SLITRK5: variants seen among roughly 807,000 people sequenced by gnomAD.
SLITRK5 encodes the protein SLIT and NTRK-like protein 5.
Under a neutral mutation model 56.2 loss-of-function variants are expected in SLITRK5, and 23 were observed. The ratio of observed to expected loss-of-function variants is 0.41; its 90% CI spans 0.29 to 0.58. The LOEUF is 0.58. Ranked by LOEUF, SLITRK5 falls within the 20% of genes least tolerant of loss-of-function variation. The pLI is 0.30. For synonymous variants in SLITRK5, 637 were observed against 531.8 expected (o/e 1.20, Z -2.72); for missense variants, 1,289 against 1,226.6 (o/e 1.05, Z -0.76).
Position 87,676,488 on chromosome 13 carries a change from A to G in SLITRK5, c.1100A>G (p.Lys367Arg), listed in dbSNP as rs1877280348. 6.2e-7 allele frequency: 1 copy of G among 1,613,856 alleles called. No homozygotes were observed. The highest frequency in any genetic ancestry group is 1.3e-5 in the African/African-American group (1 of 74,872). ...GGCCCCAGCATCGCCTATCAGACCAAATCCCCGGTGCCTTTGGAGTGTCCC... is the reference window on the plus strand; with the variant it reads ...GGCCCCAGCATCGCCTATCAGACCAGATCCCCGGTGCCTTTGGAGTGTCCC... The part of the protein sequence containing the change: ...NYGPSIAYQT[K>R]SPVPLECPTA... Residue 367 changes from lysine (K) to arginine (R), a missense_variant, in exon 2 of 2, where the codon AAA (lysine) becomes AGA (arginine). Lys to Arg is a conservative substitution (Grantham distance 26). Transcript: ENST00000683689.
rs776215029 is a variant in SLITRK5, at chr13:87,675,358, C to T, written c.-8-23C>T. 1.3e-5 allele frequency: 21 copies of T among 1,567,328 alleles called. No homozygotes were observed. In the East Asian group the frequency reaches 4.5e-4, roughly 34 times the overall value. ...AATTTTTGTCATATTCTGTTATTTC[C>T]TTGTTTTCTCTCTCCCTTACAGGAG... On this transcript the variant is annotated intron_variant, in intron 1 of 1. Transcript: ENST00000683689.
rs1877058928 is a variant in SLITRK5, at chr13:87,672,125, G to A, written c.-93G>A. Reference sequence around the variant, plus strand: ...GGCCGGCCGGCGCGAACCCAGGCCGGAGGGTGCGAGGAGCCAGAGGAGGCT... The same window carrying A: ...GGCCGGCCGGCGCGAACCCAGGCCGAAGGGTGCGAGGAGCCAGAGGAGGCT... On this transcript the variant is annotated 5_prime_UTR_variant, in exon 1 of 2. Coordinates refer to ENST00000683689, the MANE Select transcript of SLITRK5 (RefSeq NM_001384609.1). Among the ~76,000 whole-genome samples the A allele has an allele frequency of 6.6e-6, 1 of 152,078 alleles. No individual in the cohort carries two copies. Among genetic ancestry groups the A allele is most frequent in the African/African-American group, 2.4e-5 (1 of 41,438 alleles).
rs780206959 is a variant in SLITRK5 at position 87,677,369 on chromosome 13, G to C, written c.1981G>C (p.Val661Leu). Residue 661 changes from valine to leucine, a missense_variant, in exon 2 of 2, where the codon GTG becomes CTG. Around this residue, in one of 3 missense-constraint regions of SLITRK5, gnomAD observed 985 missense variants for 906.0 expected, o/e 1.09. Coordinates refer to ENST00000683689, the MANE Select transcript of SLITRK5 (RefSeq NM_001384609.1). The surrounding 1 kb of genome is among the most constrained non-coding windows in gnomAD (Gnocchi z 4.7). ...GGGCGCAGGCGGAGGGGCGTCGTCG[G>C]TGCCCTTGTCTGTGTTAATTCTCAG... ...SLGAGGGASS[V>L]PLSVLILSLL... 1.2e-6 allele frequency: 2 copies of C among 1,613,974 alleles called. No individual in the cohort carries two copies. Among genetic ancestry groups the C allele is most frequent in the Middle Eastern group, 1.6e-4 (1 of 6,062 alleles).
chr13:87,677,539 C>T lies in SLITRK5; in HGVS notation c.2151C>T (p.Tyr717=). The change falls in exon 2 of 2, where the codon TAC becomes TAT. Residue 717 remains tyrosine, a synonymous_variant. Transcript: ENST00000683689. The surrounding 1 kb of genome is among the most constrained non-coding windows in gnomAD (Gnocchi z 4.7). Reference sequence around the variant, plus strand: ...CCTTTAACATGCAGTACAGCGTGTACGGCGGCGGCGGCGGCACGGGCGGCC... The same window carrying T: ...CCTTTAACATGCAGTACAGCGTGTATGGCGGCGGCGGCGGCACGGGCGGCC... ...VSSFNMQYSV[Y]GGGGGTGGHP... The T allele has an allele frequency of 1.3e-6, 2 of 1,597,324 alleles. No individual in the cohort carries two copies. The highest frequency in any genetic ancestry group is 8.5e-7 in the Non-Finnish European group (1 of 1,170,478).
rs201885530 is a variant in SLITRK5 at position 87,675,900 on chromosome 13, A to G, written c.512A>G (p.Asn171Ser). ...AACTACATCAGCGTCATTGAACCCA[A>G]TGCTTTTGGGAAACTGCATTTGTTG... ...DYNYISVIEP[N>S]AFGKLHLLQV... The change falls in exon 2 of 2, where the codon AAT becomes AGT. Residue 171 changes from asparagine to serine, a missense_variant. Coordinates refer to ENST00000683689, the MANE Select transcript of SLITRK5 (RefSeq NM_001384609.1). The G allele has an allele frequency of 3.0e-4, 481 of 1,613,996 alleles. No individual in the cohort carries two copies. Among genetic ancestry groups the G allele is most frequent in the Non-Finnish European group, 3.8e-4 (444 of 1,180,028 alleles).
rs1175764168 is a variant in SLITRK5 at position 87,671,553 on chromosome 13, T to C, written c.-665T>C. 1.3e-5 allele frequency among the ~76,000 whole-genome samples: 2 copies of C among 151,826 alleles called. No individual in the cohort carries two copies. Among genetic ancestry groups the C allele is most frequent in the Non-Finnish European group, 2.9e-5 (2 of 67,980 alleles). The stretch of plus-strand genomic sequence containing the variant: ...GGCGCCCGGGAGGAAGACGCAACTT[T>C]CTCGGAGTTTTTTTTAGAGCCACCG... On this transcript the variant is annotated 5_prime_UTR_variant, in exon 1 of 2. Transcript: ENST00000683689.
Position 87,676,734 on chromosome 13 carries a change from A to G in SLITRK5, c.1346A>G (p.Gln449Arg), listed in dbSNP as rs779562068. ...HLGNNRISMI[Q>R]DRAFGDLTNL... is the part of the protein sequence containing the mutation. The stretch of plus-strand genomic sequence containing the variant: ...GGGAATAACCGCATCTCGATGATCC[A>G]GGACCGCGCTTTCGGGGATCTCACC... Residue 449 changes from glutamine to arginine, a missense_variant, in exon 2 of 2, where the codon CAG (glutamine) becomes CGG (arginine). By Grantham distance (43) the Gln-to-Arg change is conservative (BLOSUM62 1). Around this residue, in one of 3 missense-constraint regions of SLITRK5, gnomAD observed 985 missense variants for 906.0 expected, o/e 1.09. Coordinates refer to ENST00000683689, the MANE Select transcript of SLITRK5 (RefSeq NM_001384609.1). 6.2e-7 allele frequency: 1 copy of G among 1,613,996 alleles called. No homozygotes were observed. Among genetic ancestry groups the G allele is most frequent in the East Asian group, 2.2e-5 (1 of 44,872 alleles).
intron 1 of SLITRK5, chr13:87,673,598 G>C (rs749387757): frequency 1.8e-6 from 2 of 1,086,980 alleles, no homozygotes; most frequent in Admixed American, 4.6e-5. Flanking sequence ...TTTCACTGGG[G>C]TGGGGATGTT....
intron 1 of SLITRK5, among the ~76,000 whole-genome samples, chr13:87,674,558 G>T (rs963621640): frequency 6.6e-6 from 1 of 152,114 alleles, no homozygotes; most frequent in African/African-American, 2.4e-5. Context: ...TATTTCAGTG[G>T]CTTAAAGATG....
Position 87,677,902 on chromosome 13 carries a change from C to G in SLITRK5, c.2514C>G (p.Ile838Met). 3 of 1,613,294 alleles carry G rather than the reference C, an allele frequency of 1.9e-6. No individual in the cohort carries two copies. The highest frequency in any genetic ancestry group is 2.2e-5 in the East Asian group (1 of 44,802). The change falls in exon 2 of 2, where the codon ATC becomes ATG. Residue 838 changes from isoleucine (I) to methionine (M), a missense_variant. Around this residue, in one of 3 missense-constraint regions of SLITRK5, gnomAD observed 985 missense variants for 906.0 expected, o/e 1.09. Transcript: ENST00000683689. This position sits in a 1 kb window ranked among gnomAD's most constrained non-coding sequence, Gnocchi z 4.7. The stretch of plus-strand genomic sequence containing the variant: ...GCCCCGCCTACAGCGTCAGCACCAT[C>G]GAGCCCCGGGAGGACCTGCTGTCGC... The part of the protein sequence containing the change: ...LRSPAYSVST[I>M]EPREDLLSPV...
At position 87,676,593 on chromosome 13, in the gene SLITRK5, C is replaced by A. The variant is rs373938017; in HGVS notation, c.1205C>A (p.Ala402Asp). The change falls in exon 2 of 2, where the codon GCT becomes GAT. Residue 402 changes from alanine (A) to aspartate (D), a missense_variant. Ala to Asp is a moderately radical substitution (Grantham distance 126, BLOSUM62 -2). Transcript: ENST00000683689. ...CAGGAGCGAAAGATCGAGAGCATCG[C>A]TGAACTGCAGCCCAAGCCCTACAAT... Reference protein sequence around the residue: ...NCQERKIESIAELQPKPYNPK... With the variant: ...NCQERKIESIDELQPKPYNPK... The A allele has an allele frequency of 3.7e-6, 6 of 1,614,004 alleles. No individual in the cohort carries two copies. Among genetic ancestry groups the A allele is most frequent in the Non-Finnish European group, 5.1e-6 (6 of 1,180,048 alleles).
Position 87,676,463 on chromosome 13 carries a change from G to T in SLITRK5, c.1075G>T (p.Gly359Cys). ...TAAGGACTTGGGCTACAGCAACTATGGCCCCAGCATCGCCTATCAGACCAA... is the reference window on the plus strand; with the variant it reads ...TAAGGACTTGGGCTACAGCAACTATTGCCCCAGCATCGCCTATCAGACCAA... ...PSKDLGYSNY[G>C]PSIAYQTKSP... The change falls in exon 2 of 2, where the codon GGC (glycine) becomes TGC (cysteine). Residue 359 changes from glycine (G) to cysteine (C), a missense_variant. By Grantham distance (159) the Gly-to-Cys change is radical. Transcript: ENST00000683689. 1 of 1,614,040 alleles carries T rather than the reference G, an allele frequency of 6.2e-7. No homozygotes were observed. The highest frequency in any genetic ancestry group is 8.5e-7 in the Non-Finnish European group (1 of 1,180,004).
At position 87,677,182 on chromosome 13, in the gene SLITRK5, C is replaced by T. The variant is rs555137445; in HGVS notation, c.1794C>T (p.Phe598=). The change falls in exon 2 of 2, where the codon TTC becomes TTT. Residue 598 remains phenylalanine, a synonymous_variant. Coordinates refer to ENST00000683689, the MANE Select transcript of SLITRK5 (RefSeq NM_001384609.1). This position sits in a 1 kb window ranked among gnomAD's most constrained non-coding sequence, Gnocchi z 4.7. The part of the protein sequence containing the change: ...DEVICKAPKK[F]AETDMRSIKS... The stretch of plus-strand genomic sequence containing the variant: ...TGATCTGTAAGGCGCCCAAAAAATT[C>T]GCTGAGACCGACATGCGCTCCATTA... The T allele has an allele frequency of 3.1e-6, 5 of 1,614,190 alleles. No individual in the cohort carries two copies. In the South Asian group the frequency reaches 4.4e-5, roughly 14 times the overall value.
chr13:87,674,215 C>T (rs909474311), intron 1 of SLITRK5, among the ~76,000 whole-genome samples: 2 of 152,080 alleles, frequency 1.3e-5, no homozygotes, highest in African/African-American at 4.8e-5. Flanking sequence ...AAGTCGCTTA[C>T]AGTTCTTCCT....
chr13:87,671,455 G>A lies in SLITRK5; in HGVS notation c.-763G>A, dbSNP rs777564316. Reference sequence around the variant, plus strand: ...GGCGCGACAATAAACAAGTGCACTGGACTGGGCCCTGCACCCGCTCCGGAG... The same window carrying A: ...GGCGCGACAATAAACAAGTGCACTGAACTGGGCCCTGCACCCGCTCCGGAG... On this transcript the variant is annotated 5_prime_UTR_variant, in exon 1 of 2. Transcript: ENST00000683689. Among the ~76,000 whole-genome samples the A allele has an allele frequency of 1.3e-5, 2 of 152,110 alleles. No homozygotes were observed. Among genetic ancestry groups the A allele is most frequent in the Non-Finnish European group, 2.9e-5 (2 of 68,022 alleles).
chr13:87,673,704 C>G (rs1877145178), intron 1 of SLITRK5: 1 of 447,532 alleles, frequency 2.2e-6, no homozygotes, highest in Admixed American at 2.4e-5. Flanking sequence ...CATCTCGACA[C>G]GTCTGGGTGG....
chr13:87,674,733 T>A (rs1005358097), intron 1 of SLITRK5, among the ~76,000 whole-genome samples: 15 of 152,166 alleles, frequency 9.9e-5, no homozygotes, highest in African/African-American at 3.6e-4. Flanking sequence ...TTTTTCTCCT[T>A]ACTCAAAGCT....
rs1046921243 is a variant in SLITRK5 at position 87,677,926 on chromosome 13, G to T, written c.2538G>T (p.Ser846=). Residue 846 remains serine, a synonymous_variant, in exon 2 of 2, where the codon TCG becomes TCT. Coordinates refer to ENST00000683689, the MANE Select transcript of SLITRK5 (RefSeq NM_001384609.1). The surrounding 1 kb of genome is among the most constrained non-coding windows in gnomAD (Gnocchi z 4.7). The stretch of plus-strand genomic sequence containing the variant: ...TCGAGCCCCGGGAGGACCTGCTGTC[G>T]CCGGTGCAGGACGCCGACCGCTTTT... ...STIEPREDLL[S]PVQDADRFYR... 2.5e-6 allele frequency: 4 copies of T among 1,613,646 alleles called. No homozygotes were observed. The highest frequency in any genetic ancestry group is 2.7e-5 in the African/African-American group (2 of 74,926).
chr13:87,674,276 A>T (rs1468968690), intron 1 of SLITRK5: 1 of 509,074 alleles, frequency 2.0e-6, no homozygotes, highest in African/African-American at 2.1e-5. Flanking sequence ...TTTCCCTGAG[A>T]TTAAAAAAAA....
Sources: allele counts gnomAD v4.1 joint callset (sites outside exome capture counted in the v4.1 genomes callset), GRCh38; gene constraint gnomAD v4.1.1; regional missense constraint gnomAD v4.1.1; non-coding constraint Gnocchi (gnomAD v3.1); transcripts MANE v1.5; gene names NCBI Gene and HGNC (gene_info 2026-07-23, HGNC 2026-07-21).